CMAS: variants seen among roughly 807,000 people sequenced by gnomAD.
The protein encoded by CMAS is cytidine monophosphate N-acetylneuraminic acid synthetase, also known as N-acylneuraminate cytidylyltransferase.
Under a neutral mutation model 53.4 loss-of-function variants are expected in CMAS, and 21 were observed. The ratio of observed to expected loss-of-function variants is 0.39; its 90% CI spans 0.28 to 0.57. The LOEUF (loss-of-function observed/expected upper bound fraction) is 0.57, where lower values mean the gene tolerates loss of function less well. CMAS is among the 20% of genes least tolerant of loss of function. CMAS has a pLI of 0.56. For synonymous variants in CMAS, 189 were observed against 195.2 expected (o/e 0.97, Z 0.27); for missense variants, 384 against 534.9 (o/e 0.72, Z 2.78).
chr12:22,052,165 G>A (rs963518467), intron 1 of CMAS, among the ~76,000 whole-genome samples: 6 of 152,186 alleles, frequency 3.9e-5, no homozygotes, highest in Non-Finnish European at 8.8e-5. Context: ...TGAAAAGAGC[G>A]TAGTTACTTA....
intron 4 of CMAS, among the ~76,000 whole-genome samples, chr12:22,059,637 C>G (rs1469031295): frequency 6.6e-6 from 1 of 152,052 alleles, no homozygotes; most frequent in East Asian, 1.9e-4. Context: ...GAGAGAAAAA[C>G]ATTTTTACAA....
At chr12:22,053,676 G>A (rs1030966320) in intron 1 of CMAS, among the ~76,000 whole-genome samples, 2 of 150,208 alleles carry the variant, frequency 1.3e-5, no homozygotes, top group Admixed American at 6.6e-5. Flanking sequence ...TCAGGAGATC[G>A]AGACCATCTT....
Position 22,058,561 on chromosome 12 carries a change from T to A in CMAS, c.560-6T>A. The stretch of plus-strand genomic sequence containing the variant: ...ACGTGGACTTACTCTAACTTTTTGC[T>A]TTTAGTTCGTGAAGTGACCGAACCT... On this transcript the variant is annotated splice_polypyrimidine_tract_variant and splice_region_variant and intron_variant, in intron 3 of 7. Coordinates refer to ENST00000229329, the MANE Select transcript of CMAS (RefSeq NM_018686.6). 1.2e-6 allele frequency: 2 copies of A among 1,609,416 alleles called. No individual in the cohort carries two copies. Among genetic ancestry groups the A allele is most frequent in the Non-Finnish European group, 1.7e-6 (2 of 1,178,230 alleles).
At chr12:22,049,958 CT>C (rs1195417010) in intron 1 of CMAS, among the ~76,000 whole-genome samples, 2 of 151,758 alleles carry the variant, frequency 1.3e-5, no homozygotes, top group Non-Finnish European at 2.9e-5. Flanking sequence ...GTATTTCTAA[CT>C]TAACAGTATC....
intron 2 of CMAS, 74 bp from the exon 3 acceptor site, chr12:22,055,381 C>G: frequency 6.7e-7 from 1 of 1,483,928 alleles, no homozygotes; most frequent in Non-Finnish European, 9.1e-7. Context: ...CATTTGAATT[C>G]CAAACCTTAA....
At chr12:22,061,663 C>T (rs1390516580) in intron 6 of CMAS, among the ~76,000 whole-genome samples, 1 of 152,052 alleles carries the variant, frequency 6.6e-6, no homozygotes, top group African/African-American at 2.4e-5. Context: ...CTTGTTTATT[C>T]AGTAAATATA....
At position 22,057,992 on chromosome 12, in the gene CMAS, T is replaced by C. The variant is rs569926896; in HGVS notation, c.560-575T>C. On this transcript the variant is annotated intron_variant, in intron 3 of 7. Coordinates refer to ENST00000229329, the MANE Select transcript of CMAS (RefSeq NM_018686.6). Reference sequence around the variant, plus strand: ...ACAGGTACCCACCACCATGCCCGGCTAAATTTGTGTTTTTAGTGGAGATGG... The same window carrying C: ...ACAGGTACCCACCACCATGCCCGGCCAAATTTGTGTTTTTAGTGGAGATGG... 2.6e-4 allele frequency among the ~76,000 whole-genome samples: 40 copies of C among 151,654 alleles called. 1 individual carries two copies. Among genetic ancestry groups the C allele is most frequent in the African/African-American group, 8.4e-4 (35 of 41,438 alleles).
At chr12:22,060,400 GAGAGGCCAGCTTGAGGCCTCA>G (rs1361733893) in intron 4 of CMAS, among the ~76,000 whole-genome samples, 1 of 132,920 alleles carries the variant, frequency 7.5e-6, no homozygotes, top group Non-Finnish European at 1.5e-5. Flanking sequence ...CCAGCACTTT[GAGAGGCCAGCTTGAGGCCTCA>G]AGAGGATAGC....
intron 1 of CMAS, among the ~76,000 whole-genome samples, chr12:22,052,886 C>T (rs951973385): frequency 4.6e-5 from 7 of 152,026 alleles, no homozygotes; most frequent in South Asian, 2.1e-4. Context: ...TGATTTAAAT[C>T]CCTCTATAAA....
intron 7 of CMAS, chr12:22,063,669 GCTT>G (rs1033781075): frequency 2.6e-5 from 4 of 151,258 alleles, no homozygotes; most frequent in African/African-American, 9.7e-5. Context: ...TGACTTTTTT[GCTT>G]CTATTTTTTA....
intron 4 of CMAS, 44 bp from the exon 5 acceptor site, chr12:22,060,784 GTGAA>G: frequency 9.5e-7 from 1 of 1,049,516 alleles, no homozygotes; most frequent in Non-Finnish European, 1.5e-6. Context: ...TTTGATATAT[GTGAA>G]TGAATATTAA....
intron 5 of CMAS, 39 bp downstream of exon 5, chr12:22,060,965 C>T (rs540536641): frequency 8.5e-7 from 1 of 1,177,958 alleles, no homozygotes; most frequent in East Asian, 2.4e-5. Context: ...TGTACTAAAT[C>T]TTAATAATTA....
At chr12:22,055,319 A>T in intron 2 of CMAS, 28 bp downstream of exon 2, 1 of 1,542,130 alleles carries the variant, frequency 6.5e-7, no homozygotes, top group Non-Finnish European at 8.9e-7. Flanking sequence ...AGTTTATTCA[A>T]ACCTTTATGT....
chr12:22,050,860 T>C (rs1164640823), intron 1 of CMAS, among the ~76,000 whole-genome samples: 1 of 152,094 alleles, frequency 6.6e-6, no homozygotes, highest in Non-Finnish European at 1.5e-5. Flanking sequence ...TACCCTCTTA[T>C]TCATCATGGT....
At chr12:22,046,842 C>T (rs989598981) in intron 1 of CMAS, among the ~76,000 whole-genome samples, 4 of 152,156 alleles carry the variant, frequency 2.6e-5, no homozygotes, top group African/African-American at 9.7e-5. Flanking sequence ...TTACACCTCC[C>T]CAACCGTCCC....
At chr12:22,046,638 G>T in intron 1 of CMAS, 75 bp downstream of exon 1, 1 of 1,389,356 alleles carries the variant, frequency 7.2e-7, no homozygotes, top group South Asian at 1.5e-5. Flanking sequence ...GGAGGGGCTG[G>T]GGCCTCCGGG....
At chr12:22,058,529 C>T (rs763099672) in intron 3 of CMAS, 38 bp from the exon 4 acceptor site, 13 of 1,573,632 alleles carry the variant, frequency 8.3e-6, no homozygotes, top group Middle Eastern at 1.7e-4. Flanking sequence ...TTTCTATATT[C>T]AGGGCAACGT....
intron 1 of CMAS, among the ~76,000 whole-genome samples, chr12:22,054,197 G>C (rs1950254137): frequency 6.6e-6 from 1 of 152,064 alleles, no homozygotes; most frequent in African/African-American, 2.4e-5. Context: ...AAAGTGTTGG[G>C]ATTACAGGTG....
chr12:22,060,956 G>A (rs1950305390), intron 5 of CMAS, 30 bp downstream of exon 5: 1 of 1,242,296 alleles, frequency 8.0e-7, no homozygotes, highest in Non-Finnish European at 1.2e-6. Context: ...TATAACCTTT[G>A]TACTAAATCT....
Sources: gnomAD v4.1 joint callset for allele counts (sites outside exome capture counted in the v4.1 genomes callset) on GRCh38, gnomAD v4.1.1 for gene constraint, MANE v1.5 for transcripts, NCBI Gene and HGNC (gene_info 2026-07-23, HGNC 2026-07-21) for gene names.